Variants in ALCAM observed in about 807,000 individuals in gnomAD.
The protein encoded by ALCAM is CD166 antigen.
In ALCAM, 30 loss-of-function variants were observed where a neutral mutation model predicts 70.9. That is an observed-to-expected ratio of 0.42 (90% CI 0.32 to 0.57). ALCAM has a LOEUF of 0.57. Ranked by LOEUF, ALCAM falls within the 20% of genes least tolerant of loss-of-function variation. The probability of loss-of-function intolerance (pLI) is 0.11; values close to 1 mark genes in which losing one functional copy is unlikely to be tolerated. For synonymous variants in ALCAM, 249 were observed against 242.5 expected (o/e 1.03, Z -0.25); for missense variants, 591 against 695.1 (o/e 0.85, Z 1.68).
At chr3:105,371,642 A>G (rs1309654531) in intron 1 of ALCAM, among the ~76,000 whole-genome samples, 1 of 151,958 alleles carries the variant, frequency 6.6e-6, no homozygotes, top group Non-Finnish European at 1.5e-5. Context: ...GCAGTTTGTC[A>G]GATAGTATTT....
chr3:105,416,709 C>G (rs376659344), intron 1 of ALCAM, among the ~76,000 whole-genome samples: 1 of 151,874 alleles, frequency 6.6e-6, no homozygotes, highest in Non-Finnish European at 1.5e-5. Context: ...TATGCATTGC[C>G]GTATTCTTAA....
chr3:105,445,514 A>C (rs1334999187), intron 1 of ALCAM, among the ~76,000 whole-genome samples: 1 of 152,164 alleles, frequency 6.6e-6, no homozygotes, highest in Admixed American at 6.5e-5. Context: ...AAACACCCCA[A>C]ATAGCAAAGC....
intron 1 of ALCAM, among the ~76,000 whole-genome samples, chr3:105,405,463 T>C (rs1342560342): frequency 6.6e-6 from 1 of 151,950 alleles, no homozygotes; most frequent in Non-Finnish European, 1.5e-5. Context: ...GTGACGGACT[T>C]TAATACTCCA....
intron 1 of ALCAM, among the ~76,000 whole-genome samples, chr3:105,415,591 A>G (rs1336871629): frequency 6.6e-6 from 1 of 152,156 alleles, no homozygotes; most frequent in African/African-American, 2.4e-5. Context: ...AGCATGTTGC[A>G]TCAAATTGGT....
chr3:105,473,990 T>G (rs888884931), intron 1 of ALCAM, among the ~76,000 whole-genome samples: 3 of 151,470 alleles, frequency 2.0e-5, no homozygotes, highest in African/African-American at 7.3e-5. Flanking sequence ...GGTCAACCAC[T>G]ACATAATTAC....
intron 1 of ALCAM, among the ~76,000 whole-genome samples, chr3:105,506,825 T>C (rs1230361447): frequency 1.3e-5 from 2 of 152,196 alleles, no homozygotes; most frequent in Non-Finnish European, 2.9e-5. Flanking sequence ...AAAAACATAA[T>C]CATAAAACAG....
At chr3:105,402,527 C>T (rs763580639) in intron 1 of ALCAM, among the ~76,000 whole-genome samples, 4 of 152,128 alleles carry the variant, frequency 2.6e-5, no homozygotes, top group African/African-American at 7.2e-5. Context: ...GAAATAGACT[C>T]GGTGCTGTTG....
intron 14 of ALCAM, among the ~76,000 whole-genome samples, chr3:105,562,216 T>C (rs898856920): frequency 6.6e-6 from 1 of 152,366 alleles, no homozygotes. Context: ...AAATTCCAAC[T>C]GTTTAGATGT....
At position 105,472,900 on chromosome 3, in the gene ALCAM, G is replaced by A. The variant is rs184365645; in HGVS notation, c.74-47167G>A. Among the ~76,000 whole-genome samples the A allele has an allele frequency of 6.6e-5, 10 of 151,414 alleles. 1 individual carries two copies. In the East Asian group the frequency reaches 9.7e-4, roughly 15 times the overall value. On this transcript the variant is annotated intron_variant, in intron 1 of 15. Coordinates refer to ENST00000306107, the MANE Select transcript of ALCAM (RefSeq NM_001627.4). ...CAAAATATAATTAGCATGATTCAAC[G>A]GAATAATGTATAAAAATGATTAGTG...
At chr3:105,468,640 C>G (rs973334618) in intron 1 of ALCAM, among the ~76,000 whole-genome samples, 6 of 151,172 alleles carry the variant, frequency 4.0e-5, no homozygotes, top group Non-Finnish European at 8.9e-5. Flanking sequence ...TTTCTGTTCC[C>G]TTTCTGAAAA....
At chr3:105,388,043 T>C (rs1935701661) in intron 1 of ALCAM, among the ~76,000 whole-genome samples, 1 of 151,446 alleles carries the variant, frequency 6.6e-6, no homozygotes, top group African/African-American at 2.4e-5. Context: ...AATAAAATAA[T>C]TGAGACATAG....
intron 1 of ALCAM, among the ~76,000 whole-genome samples, chr3:105,427,003 G>A (rs914926276): frequency 6.6e-6 from 1 of 151,868 alleles, no homozygotes; most frequent in Admixed American, 6.6e-5. Flanking sequence ...CTCAAGCCAA[G>A]TGGGACTGTT....
intron 1 of ALCAM, among the ~76,000 whole-genome samples, chr3:105,399,548 T>C (rs1024282513): frequency 6.6e-6 from 1 of 152,182 alleles, no homozygotes; most frequent in Non-Finnish European, 1.5e-5. Flanking sequence ...CTAGATTTAT[T>C]GTCTACAATT....
intron 1 of ALCAM, among the ~76,000 whole-genome samples, chr3:105,488,674 G>T (rs189716028): frequency 6.7e-6 from 1 of 149,082 alleles, no homozygotes; most frequent in African/African-American, 2.5e-5. Context: ...AAGGGAAGGG[G>T]AAGGGAAGGG....
At chr3:105,375,973 G>A (rs1385678225) in intron 1 of ALCAM, among the ~76,000 whole-genome samples, 2 of 151,982 alleles carry the variant, frequency 1.3e-5, no homozygotes, top group African/African-American at 4.8e-5. Flanking sequence ...CAAAACATAC[G>A]GCCTTTTGAG....
intron 14 of ALCAM, among the ~76,000 whole-genome samples, chr3:105,554,791 C>T (rs1258751566): frequency 6.6e-6 from 1 of 151,854 alleles, no homozygotes; most frequent in African/African-American, 2.4e-5. Context: ...ATCTTATCCT[C>T]CCTTTATAAT....
intron 1 of ALCAM, among the ~76,000 whole-genome samples, chr3:105,421,769 C>T (rs1310783060): frequency 6.6e-6 from 1 of 151,364 alleles, no homozygotes; most frequent in Non-Finnish European, 1.5e-5. Context: ...CATTTTGTTC[C>T]ACTTCTGGGG....
At position 105,495,420 on chromosome 3, in the gene ALCAM, T is replaced by C. The variant is rs374374321; in HGVS notation, c.74-24647T>C. Reference sequence around the variant, plus strand: ...CTAGAAGAATGAACAGGGTGAAATTTGTTTTGTTCCACAAAGGGACAAAAA... The same window carrying C: ...CTAGAAGAATGAACAGGGTGAAATTCGTTTTGTTCCACAAAGGGACAAAAA... On this transcript the variant is annotated intron_variant, in intron 1 of 15. Coordinates refer to ENST00000306107, the MANE Select transcript of ALCAM (RefSeq NM_001627.4). Among the ~76,000 whole-genome samples the C allele has an allele frequency of 3.4e-5, 5 of 146,426 alleles. No individual in the cohort carries two copies. In the East Asian group the frequency reaches 1.0e-3, roughly 30 times the overall value.
At chr3:105,450,346 G>A (rs551066657) in intron 1 of ALCAM, among the ~76,000 whole-genome samples, 168 of 152,134 alleles carry the variant, frequency 1.1e-3, no homozygotes, top group Non-Finnish European at 2.1e-3. Context: ...GAGCAGGGAC[G>A]TTTTGATAGA....
Sources: allele counts gnomAD v4.1 joint callset (sites outside exome capture counted in the v4.1 genomes callset), GRCh38; gene constraint gnomAD v4.1.1; transcripts MANE v1.5; gene names NCBI Gene and HGNC (gene_info 2026-07-23, HGNC 2026-07-21).